Variants in KIRREL3 observed in about 807,000 individuals in gnomAD.
KIRREL3 encodes kin of IRRE-like protein 3.
A neutral mutation model predicts 89.7 loss-of-function variants in KIRREL3; 36 were observed. The ratio of observed to expected loss-of-function variants is 0.40; its 90% CI spans 0.31 to 0.53. The LOEUF (loss-of-function observed/expected upper bound fraction) is 0.53. Ranked by LOEUF, KIRREL3 falls within the 20% of genes least tolerant of loss-of-function variation. The pLI is 0.49. For missense variants in KIRREL3, 864 were observed against 1,056.6 expected (o/e 0.82, Z 2.53); for synonymous variants, 445 against 441.4 (o/e 1.01, Z -0.10).
rs1339920398 is a variant in KIRREL3, at chr11:126,909,433, C to G, written c.55+91022G>C. Among the ~76,000 whole-genome samples, 1 of 152,206 alleles carries G rather than the reference C, an allele frequency of 6.6e-6. No individual in the cohort carries two copies. The highest frequency in any genetic ancestry group is 2.4e-5 in the African/African-American group (1 of 41,450). ...GCACGGTGCCCAGCTCCCAGCATAC[C>G]CACAGAGTGAGAGCCATGCCTATTC... On this transcript the variant is annotated intron_variant, in intron 1 of 16. Transcript: ENST00000525144. This position sits in a 1 kb window ranked among gnomAD's most constrained non-coding sequence, Gnocchi z 4.5.
At chr11:126,925,605 T>C (rs1269076419) in intron 1 of KIRREL3, among the ~76,000 whole-genome samples, 2 of 152,142 alleles carry the variant, frequency 1.3e-5, no homozygotes, top group Non-Finnish European at 2.9e-5. Context: ...CTTCCTGTTG[T>C]CAATGGCCAC....
intron 1 of KIRREL3, among the ~76,000 whole-genome samples, chr11:126,922,000 TATCTATCA>T (rs1947349700): frequency 7.1e-6 from 1 of 141,072 alleles, no homozygotes. Context: ...TCTATCTATC[TATCTATCA>T]TCTATCTTCC....
At chr11:126,505,345 G>A (rs554905143) in intron 4 of KIRREL3, among the ~76,000 whole-genome samples, 7 of 152,320 alleles carry the variant, frequency 4.6e-5, no homozygotes, top group Non-Finnish European at 8.8e-5. Flanking sequence ...TGAGGCCGGT[G>A]GATCACTTGA....
rs563827087 is a variant in KIRREL3, at chr11:126,782,121, T to A, written c.55+218334A>T. ...GGGTTCACAGGAAGACAGGCATTGC[T>A]CAGCCTTCCTAGGAATTAGGTTCAG... On this transcript the variant is annotated intron_variant, in intron 1 of 16. Transcript: ENST00000525144. The surrounding 1 kb of genome is among the most constrained non-coding windows in gnomAD (Gnocchi z 4.1). Among the ~76,000 whole-genome samples, 1 of 152,268 alleles carries A rather than the reference T, an allele frequency of 6.6e-6. No homozygotes were observed. Among genetic ancestry groups the A allele is most frequent in the Non-Finnish European group, 1.5e-5 (1 of 68,006 alleles).
At chr11:126,880,713 A>G (rs888597114) in intron 1 of KIRREL3, among the ~76,000 whole-genome samples, 1 of 151,870 alleles carries the variant, frequency 6.6e-6, no homozygotes, top group Non-Finnish European at 1.5e-5. Flanking sequence ...ACTATTATGC[A>G]AAAGTACTCC....
rs911363475 is a variant in KIRREL3 at position 126,459,072 on chromosome 11, C to A, written c.743-2618G>T. On this transcript the variant is annotated intron_variant, in intron 6 of 16. Transcript: ENST00000525144. This position sits in a 1 kb window ranked among gnomAD's most constrained non-coding sequence, Gnocchi z 4.8. ...GGCAGAGGAGCTTGGGAATCGCCAC[C>A]GGATCCAAACGCATTGCTGGCCCGT... is the stretch of plus-strand genomic sequence containing the variant. 6.6e-6 allele frequency among the ~76,000 whole-genome samples: 1 copy of A among 152,116 alleles called. No individual in the cohort carries two copies. Among genetic ancestry groups the A allele is most frequent in the Non-Finnish European group, 1.5e-5 (1 of 68,026 alleles).
At chr11:126,895,906 C>T (rs1419958986) in intron 1 of KIRREL3, among the ~76,000 whole-genome samples, 2 of 152,212 alleles carry the variant, frequency 1.3e-5, no homozygotes, top group South Asian at 4.1e-4. Context: ...TTGCAGCACT[C>T]ACTTAATGTG....
In KIRREL3 at chr11:126,955,712, C is replaced by T. The variant is rs755048924; in HGVS notation, c.55+44743G>A. On this transcript the variant is annotated intron_variant, in intron 1 of 16. Coordinates refer to ENST00000525144, the MANE Select transcript of KIRREL3 (RefSeq NM_032531.4). This position sits in a 1 kb window ranked among gnomAD's most constrained non-coding sequence, Gnocchi z 4.6. ...TGAAGAACTACATTTATACCAAAGGCTTGAGCTAGGTGTTTTAATGGGATC... is the reference window on the plus strand; with the variant it reads ...TGAAGAACTACATTTATACCAAAGGTTTGAGCTAGGTGTTTTAATGGGATC... Among the ~76,000 whole-genome samples, 31 of 152,182 alleles carry T rather than the reference C, an allele frequency of 2.0e-4. No homozygotes were observed. The highest frequency in any genetic ancestry group is 3.3e-4 in the Admixed American group (5 of 15,274).
intron 1 of KIRREL3, among the ~76,000 whole-genome samples, chr11:126,800,886 C>T (rs1592147142): frequency 6.6e-6 from 1 of 152,192 alleles, no homozygotes; most frequent in Admixed American, 6.5e-5. Context: ...AGAGTGGCTG[C>T]ATTCTGAGCC....
rs1304276241 is a variant in KIRREL3 at position 126,477,891 on chromosome 11, C to A, written c.434-4425G>T. Among the ~76,000 whole-genome samples, 1 of 152,186 alleles carries A rather than the reference C, an allele frequency of 6.6e-6. No individual in the cohort carries two copies. The highest frequency in any genetic ancestry group is 1.5e-5 in the Non-Finnish European group (1 of 68,024). On this transcript the variant is annotated intron_variant, in intron 4 of 16. Coordinates refer to ENST00000525144, the MANE Select transcript of KIRREL3 (RefSeq NM_032531.4). This position sits in a 1 kb window ranked among gnomAD's most constrained non-coding sequence, Gnocchi z 4.8. ...TGCATGGTGGAGAACCTCATAGACA[C>A]CCAGCCCTTTGGAGAGCAAGACTGG... is the stretch of plus-strand genomic sequence containing the variant.
In KIRREL3 at chr11:126,563,661, C is replaced by T. The variant is rs1289892284; in HGVS notation, c.56-749G>A. ...CAGTTGGAAAAACAAGATGGAATAACAATTCCAGGTAGCAAATGCAAGAGA... is the reference window on the plus strand; with the variant it reads ...CAGTTGGAAAAACAAGATGGAATAATAATTCCAGGTAGCAAATGCAAGAGA... On this transcript the variant is annotated intron_variant, in intron 1 of 16. Transcript: ENST00000525144. The surrounding 1 kb of genome is among the most constrained non-coding windows in gnomAD (Gnocchi z 6.8). Among the ~76,000 whole-genome samples the T allele has an allele frequency of 6.6e-6, 1 of 152,182 alleles. No homozygotes were observed. Among genetic ancestry groups the T allele is most frequent in the Admixed American group, 6.5e-5 (1 of 15,286 alleles).
chr11:126,497,531 G>A (rs375191389), intron 4 of KIRREL3, among the ~76,000 whole-genome samples: 1 of 152,130 alleles, frequency 6.6e-6, no homozygotes, highest in Admixed American at 6.5e-5. Flanking sequence ...AGAGCTGCTA[G>A]AGCTCACCTC....
chr11:126,512,675 T>A (rs1388950232), intron 4 of KIRREL3, among the ~76,000 whole-genome samples: 2 of 152,116 alleles, frequency 1.3e-5, no homozygotes, highest in African/African-American at 2.4e-5. Flanking sequence ...CTTTTGCAAA[T>A]CTCCACAGTC....
Position 126,424,357 on chromosome 11 carries a change from G to C in KIRREL3, c.*223C>G. On this transcript the variant is annotated 3_prime_UTR_variant, in exon 17 of 17. Transcript: ENST00000525144. ...ACTAAGCACAGCGCACTCAGCCGCA[G>C]CCTCTGTCTGTCTCCCCACCCGCCC... The C allele has an allele frequency of 1.8e-6, 1 of 565,818 alleles. No homozygotes were observed. The highest frequency in any genetic ancestry group is 3.2e-6 in the Non-Finnish European group (1 of 315,386). The allele number at this position is 565,818 out of a possible 1,614,324, so 35.0% of individuals were successfully genotyped here.
chr11:126,874,010 A>G (rs1405247257), intron 1 of KIRREL3, among the ~76,000 whole-genome samples: 1 of 152,196 alleles, frequency 6.6e-6, no homozygotes, highest in African/African-American at 2.4e-5. Flanking sequence ...CAAACCCAGT[A>G]ATGTCCACAT....
At chr11:126,949,693 C>T (rs1341700086) in intron 1 of KIRREL3, among the ~76,000 whole-genome samples, 2 of 152,182 alleles carry the variant, frequency 1.3e-5, no homozygotes, top group African/African-American at 2.4e-5. Flanking sequence ...GAGTGGGAAG[C>T]CTGCTGTATC....
intron 1 of KIRREL3, among the ~76,000 whole-genome samples, chr11:126,681,440 A>G (rs1565645639): frequency 6.6e-6 from 1 of 152,354 alleles, no homozygotes; most frequent in East Asian, 1.9e-4. Flanking sequence ...CTGATGAAAT[A>G]TATGTAAATA....
At position 126,622,418 on chromosome 11, in the gene KIRREL3, C is replaced by G. The variant is rs766632355; in HGVS notation, c.56-59506G>C. Reference sequence around the variant, plus strand: ...CGGTTCTGGCTTGTGAGCCATGGTGCTACTGGTCCCTCTGGAGGAAGGGTA... The same window carrying G: ...CGGTTCTGGCTTGTGAGCCATGGTGGTACTGGTCCCTCTGGAGGAAGGGTA... On this transcript the variant is annotated intron_variant, in intron 1 of 16. Transcript: ENST00000525144. The surrounding 1 kb of genome is among the most constrained non-coding windows in gnomAD (Gnocchi z 5.2). 4.6e-5 allele frequency among the ~76,000 whole-genome samples: 7 copies of G among 152,202 alleles called. No homozygotes were observed. The highest frequency in any genetic ancestry group is 2.6e-4 in the Admixed American group (4 of 15,280).
Position 126,424,118 on chromosome 11 carries a change from T to C in KIRREL3, c.*462A>G, listed in dbSNP as rs978253468. 6 of 188,140 alleles carry C rather than the reference T, an allele frequency of 3.2e-5. No individual in the cohort carries two copies. In the East Asian group the frequency reaches 7.5e-4, roughly 23 times the overall value. The allele number at this position is 188,140 out of a possible 1,614,324, so 11.7% of individuals were successfully genotyped here. On this transcript the variant is annotated 3_prime_UTR_variant, in exon 17 of 17. Transcript: ENST00000525144. Reference sequence around the variant, plus strand: ...CGGGGTTTCTGGGGCAGCTCAGTGCTGGGAAGACGTCATCCCCTTCTCCCC... The same window carrying C: ...CGGGGTTTCTGGGGCAGCTCAGTGCCGGGAAGACGTCATCCCCTTCTCCCC...
Sources: gnomAD v4.1 joint callset for allele counts (sites outside exome capture counted in the v4.1 genomes callset) on GRCh38, gnomAD v4.1.1 for gene constraint, Gnocchi (gnomAD v3.1) non-coding constraint, MANE v1.5 for transcripts, NCBI Gene and HGNC (gene_info 2026-07-23, HGNC 2026-07-21) for gene names.